CDHR3: variants seen among roughly 807,000 people sequenced by gnomAD.
CDHR3 encodes the protein cadherin related family member 3, also known as cadherin-related family member 3.
Under a neutral mutation model 86.6 loss-of-function variants are expected in CDHR3, and 79 were observed. The ratio of observed to expected loss-of-function variants is 0.91; its 90% confidence interval spans 0.76 to 1.10. The LOEUF (loss-of-function observed/expected upper bound fraction) is 1.10. Among genes scored for constraint, CDHR3 ranks in the 50% least tolerant of loss-of-function variants. The pLI, the probability that CDHR3 is intolerant of heterozygous loss-of-function variation, is 0.00. For missense variants in CDHR3, 1,081 were observed against 1,077.6 expected (o/e 1.00, Z -0.04); for synonymous variants, 421 against 402.4 (o/e 1.05, Z -0.55).
At chr7:105,983,765 G>A (rs1830126932) in intron 3 of CDHR3, among the ~76,000 whole-genome samples, 1 of 152,072 alleles carries the variant, frequency 6.6e-6, no homozygotes, top group Non-Finnish European at 1.5e-5. Context: ...TCATTTCTGC[G>A]GAGTTGCCAA....
rs574818379 is a variant in CDHR3, at chr7:106,030,920, C to A, written c.2353+80C>A. 7.3e-7 allele frequency: 1 copy of A among 1,373,430 alleles called. No homozygotes were observed. The highest frequency in any genetic ancestry group is 1.0e-6 in the Non-Finnish European group (1 of 983,158). 85.1% of individuals were successfully genotyped at this position (1,373,430 alleles called of 1,614,324 possible). On this transcript the variant is annotated intron_variant, in intron 18 of 18. Coordinates refer to ENST00000317716, the MANE Select transcript of CDHR3 (RefSeq NM_152750.5). This position sits in a 1 kb window ranked among gnomAD's most constrained non-coding sequence, Gnocchi z 4.8. ...AAGCATGGAGGATCTTATCCAATTT[C>A]CTGCTTTTAGCTCATTTTGTCAATC...
chr7:105,964,252 C>A (rs995208093), intron 1 of CDHR3, among the ~76,000 whole-genome samples: 5 of 151,898 alleles, frequency 3.3e-5, no homozygotes, highest in Non-Finnish European at 5.9e-5. Flanking sequence ...ATTTCTAGTT[C>A]TTTTACTTTT....
rs114285716 is a variant in CDHR3, at chr7:105,984,471, T to A, written c.513+182T>A. Among the ~76,000 whole-genome samples, 263 of 152,262 alleles carry A rather than the reference T, an allele frequency of 1.7e-3. 2 individuals are homozygous for A. Among genetic ancestry groups the A allele is most frequent in the African/African-American group, 6.0e-3 (251 of 41,552 alleles). ...ATAAAGGGGCTCTGGGGCCAGACAC[T>A]CTGGAGTGGATTTGTGGCTCTGTGT... On this transcript the variant is annotated intron_variant, in intron 4 of 18. Transcript: ENST00000317716.
At chr7:106,023,911 G>A (rs1369410610) in intron 14 of CDHR3, among the ~76,000 whole-genome samples, 3 of 152,214 alleles carry the variant, frequency 2.0e-5, no homozygotes, top group African/African-American at 4.8e-5. Flanking sequence ...GGAAGCAGAT[G>A]CTGAACTTGA....
At chr7:105,977,122 C>T (rs1239684379) in intron 2 of CDHR3, among the ~76,000 whole-genome samples, 1 of 151,934 alleles carries the variant, frequency 6.6e-6, no homozygotes, top group African/African-American at 2.4e-5. Context: ...GTGGTTTCAT[C>T]TCTTGATTGT....
At chr7:106,011,716 T>A (rs896794835) in intron 8 of CDHR3, among the ~76,000 whole-genome samples, 1 of 152,232 alleles carries the variant, frequency 6.6e-6, no homozygotes, top group Non-Finnish European at 1.5e-5. Context: ...CCTGGAGACA[T>A]GAGAAAGCCC....
intron 4 of CDHR3, among the ~76,000 whole-genome samples, chr7:105,988,108 C>G (rs1830793244): frequency 6.6e-6 from 1 of 152,174 alleles, no homozygotes; most frequent in Non-Finnish European, 1.5e-5. Context: ...AGGCTGGTCT[C>G]AAACTCTTGG....
At chr7:105,981,712 C>T (rs1159427855) in intron 3 of CDHR3, among the ~76,000 whole-genome samples, 1 of 152,114 alleles carries the variant, frequency 6.6e-6, no homozygotes, top group African/African-American at 2.4e-5. Context: ...CCAGCATCTC[C>T]ACTTGGATGT....
chr7:105,968,402 C>G (rs1827324754), intron 1 of CDHR3, among the ~76,000 whole-genome samples: 1 of 151,010 alleles, frequency 6.6e-6, no homozygotes, highest in Non-Finnish European at 1.5e-5. Flanking sequence ...TGCTTTGTTG[C>G]CCAGGCTGGA....
At chr7:105,990,971 C>G (rs571071613) in intron 4 of CDHR3, among the ~76,000 whole-genome samples, 1 of 152,242 alleles carries the variant, frequency 6.6e-6, no homozygotes, top group African/African-American at 2.4e-5. Context: ...TGTCTGAGAG[C>G]AAACCTAGCT....
At chr7:105,964,054 T>C (rs901881585) in intron 1 of CDHR3, among the ~76,000 whole-genome samples, 3 of 152,218 alleles carry the variant, frequency 2.0e-5, no homozygotes, top group African/African-American at 7.2e-5. Context: ...AGTTATGTAG[T>C]AAAATACTTA....
At chr7:105,976,340 G>A (rs1362848028) in intron 2 of CDHR3, among the ~76,000 whole-genome samples, 1 of 152,250 alleles carries the variant, frequency 6.6e-6, no homozygotes, top group Non-Finnish European at 1.5e-5. Flanking sequence ...GGAAAATGAC[G>A]CACAGAGAGA....
At chr7:106,022,114 A>T (rs1248489666) in intron 13 of CDHR3, 84 bp from the exon 14 acceptor site, 9 of 1,521,556 alleles carry the variant, frequency 5.9e-6, no homozygotes, top group Non-Finnish European at 8.1e-6. Flanking sequence ...TGAGAAAAAG[A>T]TTGAATGCAG....
chr7:105,981,506 T>G (rs1392514572), intron 3 of CDHR3, among the ~76,000 whole-genome samples: 1 of 152,146 alleles, frequency 6.6e-6, no homozygotes, highest in African/African-American at 2.4e-5. Context: ...TCTGACTTCT[T>G]GAGGGCAGCG....
chr7:105,975,456 G>A (rs940045170), intron 2 of CDHR3, among the ~76,000 whole-genome samples: 1 of 152,142 alleles, frequency 6.6e-6, no homozygotes, highest in African/African-American at 2.4e-5. Flanking sequence ...GATTTTTTCA[G>A]AAGATAATCT....
At chr7:106,010,791 A>C (rs547198522) in intron 8 of CDHR3, among the ~76,000 whole-genome samples, 1 of 152,330 alleles carries the variant, frequency 6.6e-6, no homozygotes, top group South Asian at 2.1e-4. Flanking sequence ...GGGGAGAGAG[A>C]TGGACAAGGC....
chr7:106,018,521 C>A (rs1000282841), intron 12 of CDHR3, among the ~76,000 whole-genome samples: 19 of 152,188 alleles, frequency 1.2e-4, no homozygotes, highest in Non-Finnish European at 2.5e-4. Flanking sequence ...TAGGCGTGAG[C>A]CACTGCACCC....
intron 4 of CDHR3, among the ~76,000 whole-genome samples, chr7:105,988,332 T>G (rs1282083894): frequency 6.6e-6 from 1 of 152,232 alleles, no homozygotes; most frequent in Non-Finnish European, 1.5e-5. Context: ...GTGATTCTGA[T>G]GTACCATGTA....
chr7:106,000,868 G>C (rs1319073951), intron 6 of CDHR3, among the ~76,000 whole-genome samples: 2 of 140,044 alleles, frequency 1.4e-5, no homozygotes, highest in African/African-American at 5.4e-5. Context: ...AAAGGTGCAC[G>C]AGTTCTGTGC....
Sources: allele counts gnomAD v4.1 joint callset (sites outside exome capture counted in the v4.1 genomes callset), GRCh38; gene constraint gnomAD v4.1.1; non-coding constraint Gnocchi (gnomAD v3.1); transcripts MANE v1.5; gene names NCBI Gene and HGNC (gene_info 2026-07-23, HGNC 2026-07-21).